Variants in TM7SF3 observed in about 807,000 individuals in gnomAD.
The protein encoded by TM7SF3 is transmembrane 7 superfamily member 3, also known as seven span transmembrane protein.
TM7SF3 carries 60 observed loss-of-function variants against 65.5 expected under a neutral mutation model. The observed-to-expected ratio is 0.92, with a 90% CI of 0.74 to 1.14. TM7SF3 has a LOEUF of 1.14. Among genes scored for constraint, TM7SF3 ranks in the 50% most tolerant of loss-of-function variants. The probability of loss-of-function intolerance (pLI) is 0.00; values close to 1 mark genes in which losing one functional copy is unlikely to be tolerated. For missense variants in TM7SF3, 623 were observed against 684.8 expected (o/e 0.91, Z 1.01); for synonymous variants, 264 against 259.6 (o/e 1.02, Z -0.16).
intron 1 of TM7SF3, among the ~76,000 whole-genome samples, chr12:27,012,246 C>A (rs1323657643): frequency 1.3e-5 from 2 of 152,106 alleles, no homozygotes; most frequent in Non-Finnish European, 2.9e-5. Context: ...GTTCCTCTGA[C>A]AAGGGAGGAA....
At chr12:26,988,581 A>C (rs1458373120) in intron 6 of TM7SF3, among the ~76,000 whole-genome samples, 2 of 152,102 alleles carry the variant, frequency 1.3e-5, no homozygotes, top group Admixed American at 6.5e-5. Flanking sequence ...TAATTTTACT[A>C]TGGTTATGTA....
chr12:26,979,939 G>C lies in TM7SF3; in HGVS notation c.1037-3C>G. ...GACAGCTGTCAGAATCAGATTCACT[G>C]TACAAAGAGAGAGGATGAACTGCTG... is the stretch of plus-strand genomic sequence containing the variant. On this transcript the variant is annotated splice_region_variant and splice_polypyrimidine_tract_variant and intron_variant, in intron 8 of 11. Coordinates refer to ENST00000343028, the MANE Select transcript of TM7SF3 (RefSeq NM_016551.3). 3.1e-6 allele frequency: 5 copies of C among 1,614,068 alleles called. No individual in the cohort carries two copies. The highest frequency in any genetic ancestry group is 4.2e-6 in the Non-Finnish European group (5 of 1,179,996).
At chr12:26,992,829 T>TA (rs1479465095) in intron 5 of TM7SF3, among the ~76,000 whole-genome samples, 1 of 150,954 alleles carries the variant, frequency 6.6e-6, no homozygotes, top group Non-Finnish European at 1.5e-5. Flanking sequence ...TTCTCCTATA[T>TA]AACAATACCT....
chr12:27,001,474 C>T (rs577643933), intron 2 of TM7SF3, among the ~76,000 whole-genome samples: 1 of 152,230 alleles, frequency 6.6e-6, no homozygotes, highest in South Asian at 2.1e-4. Context: ...TAACTGGGGG[C>T]CTGAGAGTCT....
intron 4 of TM7SF3, among the ~76,000 whole-genome samples, chr12:26,996,412 A>G (rs1940599969): frequency 6.6e-6 from 1 of 152,208 alleles, no homozygotes; most frequent in African/African-American, 2.4e-5. Context: ...AAAACAATGA[A>G]TCTTTATAAA....
Position 27,014,341 on chromosome 12 carries a change from G to A in TM7SF3, c.-173C>T, listed in dbSNP as rs1052472055. 10 of 399,296 alleles carry A rather than the reference G, an allele frequency of 2.5e-5. No individual in the cohort carries two copies. Among genetic ancestry groups the A allele is most frequent in the Admixed American group, 1.4e-4 (3 of 21,230 alleles). The allele number at this position is 399,296 out of a possible 1,614,324, so 24.7% of individuals were successfully genotyped here. On this transcript the variant is annotated 5_prime_UTR_variant, in exon 1 of 12. Coordinates refer to ENST00000343028, the MANE Select transcript of TM7SF3 (RefSeq NM_016551.3). ...CTCCGCAGCCGCCGGCGCGCGCCCCGCCGAACTCCTAGCCCCAGCGAGAGG... is the reference window on the plus strand; with the variant it reads ...CTCCGCAGCCGCCGGCGCGCGCCCCACCGAACTCCTAGCCCCAGCGAGAGG...
intron 1 of TM7SF3, among the ~76,000 whole-genome samples, chr12:27,010,539 C>T (rs1426293350): frequency 6.6e-6 from 1 of 152,198 alleles, no homozygotes; most frequent in Non-Finnish European, 1.5e-5. Context: ...AAGACACATA[C>T]TCAAAAAATA....
intron 1 of TM7SF3, among the ~76,000 whole-genome samples, chr12:27,011,328 G>T (rs1172849006): frequency 1.3e-5 from 2 of 152,162 alleles, no homozygotes; most frequent in African/African-American, 4.8e-5. Flanking sequence ...GGAGTTACTG[G>T]ATATGAATCT....
intron 10 of TM7SF3, 21 bp from the exon 11 acceptor site, chr12:26,975,679 T>C: frequency 6.2e-7 from 1 of 1,612,614 alleles, no homozygotes; most frequent in Non-Finnish European, 8.5e-7. Flanking sequence ...GTGGAAGAGT[T>C]TAGGCATCAT....
chr12:27,003,214 T>A lies in TM7SF3; in HGVS notation c.246+22A>T, dbSNP rs776131125. The A allele has an allele frequency of 1.5e-5, 24 of 1,557,068 alleles. 1 individual carries two copies. The highest frequency in any genetic ancestry group is 1.8e-4 in the Middle Eastern group (1 of 5,714). On this transcript the variant is annotated intron_variant, in intron 2 of 11. Transcript: ENST00000343028. ...CCCAAAATATAGAAATGATTTTTAC[T>A]AAAATAATTCTTTGCACTTACCGGA... is the stretch of plus-strand genomic sequence containing the variant.
chr12:26,982,696 A>C, intron 7 of TM7SF3, 77 bp downstream of exon 7: 1 of 961,808 alleles, frequency 1.0e-6, no homozygotes, highest in Non-Finnish European at 1.5e-6. Flanking sequence ...GTAAGTGCTT[A>C]CTCTCCTCAC....
At chr12:26,999,997 A>G (rs1940764817) in intron 2 of TM7SF3, among the ~76,000 whole-genome samples, 1 of 152,232 alleles carries the variant, frequency 6.6e-6, no homozygotes, top group Non-Finnish European at 1.5e-5. Flanking sequence ...GTGCCAACAC[A>G]GTCGGGTTCT....
Position 27,001,726 on chromosome 12 carries a change from A to T in TM7SF3, c.246+1510T>A, listed in dbSNP as rs182592595. Among the ~76,000 whole-genome samples, 51 of 152,360 alleles carry T rather than the reference A, an allele frequency of 3.3e-4. 1 individual carries two copies. Among genetic ancestry groups the T allele is most frequent in the Admixed American group, 1.6e-3 (25 of 15,312 alleles). On this transcript the variant is annotated intron_variant, in intron 2 of 11. Coordinates refer to ENST00000343028, the MANE Select transcript of TM7SF3 (RefSeq NM_016551.3). Reference sequence around the variant, plus strand: ...GTTTTAATAGATCTAGTTAAAAAAGAGAAGAAGAAAGAACTCATCTATGTG... The same window carrying T: ...GTTTTAATAGATCTAGTTAAAAAAGTGAAGAAGAAAGAACTCATCTATGTG...
chr12:26,994,729 C>T (rs577361036), intron 5 of TM7SF3, among the ~76,000 whole-genome samples: 1 of 152,322 alleles, frequency 6.6e-6, no homozygotes, highest in South Asian at 2.1e-4. Flanking sequence ...CTCACAAACT[C>T]CCCAGTGATG....
At position 26,971,816 on chromosome 12, in the gene TM7SF3, T is replaced by C. The variant is rs774825145; in HGVS notation, c.*2149A>G. On this transcript the variant is annotated 3_prime_UTR_variant, in exon 12 of 12. Coordinates refer to ENST00000343028, the MANE Select transcript of TM7SF3 (RefSeq NM_016551.3). The stretch of plus-strand genomic sequence containing the variant: ...CAAGTTTCAGTGTTACTGAAGTTAA[T>C]TATAGACAGTAAGGATTACAGAATA... The C allele has an allele frequency of 2.6e-4, 40 of 152,198 alleles. 1 individual carries two copies. Among genetic ancestry groups the C allele is most frequent in the Non-Finnish European group, 4.3e-4 (29 of 68,036 alleles). 9.4% of individuals were successfully genotyped at this position (152,198 alleles called of 1,614,324 possible).
chr12:26,985,670 T>G (rs1393167819), intron 6 of TM7SF3, among the ~76,000 whole-genome samples: 1 of 119,556 alleles, frequency 8.4e-6, no homozygotes, highest in Admixed American at 9.3e-5. Context: ...TATATATATA[T>G]ATATATATAC....
At chr12:26,974,437 C>T (rs920509384) in intron 11 of TM7SF3, among the ~76,000 whole-genome samples, 1 of 152,156 alleles carries the variant, frequency 6.6e-6, no homozygotes, top group Non-Finnish European at 1.5e-5. Flanking sequence ...TTTTCTATTA[C>T]AGGCATTTGA....
In TM7SF3 at chr12:26,984,406, G is replaced by C. The variant is rs114623973; in HGVS notation, c.869-1547C>G. On this transcript the variant is annotated intron_variant, in intron 6 of 11. Transcript: ENST00000343028. ...GATCAGGCCATTGCACTCCAGCCTGGATGTCGCAGCCAGACTCCATCTCAA... is the reference window on the plus strand; with the variant it reads ...GATCAGGCCATTGCACTCCAGCCTGCATGTCGCAGCCAGACTCCATCTCAA... Among the ~76,000 whole-genome samples the C allele has an allele frequency of 9.5e-3, 1,434 of 150,570 alleles. 26 individuals carry two copies. Among genetic ancestry groups the C allele is most frequent in the African/African-American group, 0.033 (1,347 of 40,928 alleles).
At chr12:26,996,984 A>G (rs757445314) in intron 3 of TM7SF3, 122 bp from the exon 4 acceptor site, 44 of 1,024,780 alleles carry the variant, frequency 4.3e-5, no homozygotes, top group Non-Finnish European at 6.1e-5. Context: ...ATATAAACGT[A>G]GAGCTTCTAG....
Sources: allele counts gnomAD v4.1 joint callset (sites outside exome capture counted in the v4.1 genomes callset), GRCh38; gene constraint gnomAD v4.1.1; transcripts MANE v1.5; gene names NCBI Gene and HGNC (gene_info 2026-07-23, HGNC 2026-07-21).